The following NOP10 variants were observed in gnomAD, a reference collection of about 807,000 sequenced individuals.
NOP10 encodes the protein NOP10 ribonucleoprotein, also known as H/ACA ribonucleoprotein complex subunit 3.
In NOP10, 6 loss-of-function variants were observed where a neutral mutation model predicts 9.5. The observed-to-expected ratio is 0.63, with a 90% CI of 0.35 to 1.25. NOP10 has a LOEUF of 1.25. Ranked by LOEUF, NOP10 falls within the 50% of genes most tolerant of loss-of-function variation. NOP10 has a pLI of 0.03. For synonymous variants in NOP10, 28 were observed against 30.7 expected, an observed-to-expected ratio of 0.91 and a Z score of 0.29; for missense variants, 75 against 81.3, an observed-to-expected ratio of 0.92 and a Z score of 0.30.
At chr15:34,342,235 G>A in intron 1 of NOP10, 127 bp from the exon 2 acceptor site, 4 of 891,890 alleles carry the variant, frequency 4.5e-6, no homozygotes, top group Non-Finnish European at 7.3e-6. Flanking sequence ...CAAATAAATA[G>A]AGAAATATAA....
chr15:34,343,111 G>A lies in NOP10; in HGVS notation c.-38C>T, dbSNP rs112556317. The A allele has an allele frequency of 7.4e-5, 119 of 1,603,624 alleles. No individual in the cohort carries two copies. The highest frequency in any genetic ancestry group is 1.7e-5 in the Non-Finnish European group (20 of 1,170,506). ...GCCAGCGGTCCCAATTCGGTCCACCGCTCAGTCTGCAGTGGTCCGCCCGAC... is the reference window on the plus strand; with the variant it reads ...GCCAGCGGTCCCAATTCGGTCCACCACTCAGTCTGCAGTGGTCCGCCCGAC... On this transcript the variant is annotated 5_prime_UTR_variant, in exon 1 of 2. Transcript: ENST00000328848.
At chr15:34,342,672 G>A (rs1566886069) in intron 1 of NOP10, among the ~76,000 whole-genome samples, 1 of 151,236 alleles carries the variant, frequency 6.6e-6, no homozygotes, top group Non-Finnish European at 1.5e-5. Flanking sequence ...TCAGCCTCCC[G>A]AGTAGCTGGG....
rs3063 is a variant in NOP10, at chr15:34,341,832, A to G, written c.*136T>C. ...CACCATGATTGCCTCACACAAGCAT[A>G]ATCAATCGCCACGAGAGACTGGATG... On this transcript the variant is annotated 3_prime_UTR_variant, in exon 2 of 2. Coordinates refer to ENST00000328848, the MANE Select transcript of NOP10 (RefSeq NM_018648.4). The G allele has an allele frequency of 0.16, 141,964 of 890,382 alleles. 12,372 individuals carry two copies. Among genetic ancestry groups the G allele is most frequent in the East Asian group, 0.3 (11,513 of 37,900 alleles). The allele number at this position is 890,382 out of a possible 1,614,324, so 55.2% of individuals were successfully genotyped here.
rs1023591694 is a variant in NOP10, at chr15:34,343,104, G to A, written c.-31C>T. 1 of 1,611,942 alleles carries A rather than the reference G, an allele frequency of 6.2e-7. No individual in the cohort carries two copies. Among genetic ancestry groups the A allele is most frequent in the African/African-American group, 1.3e-5 (1 of 74,984 alleles). On this transcript the variant is annotated 5_prime_UTR_variant, in exon 1 of 2. Transcript: ENST00000328848. ...CTTATAAGCCAGCGGTCCCAATTCGGTCCACCGCTCAGTCTGCAGTGGTCC... is the reference window on the plus strand; with the variant it reads ...CTTATAAGCCAGCGGTCCCAATTCGATCCACCGCTCAGTCTGCAGTGGTCC...
intron 1 of NOP10, among the ~76,000 whole-genome samples, chr15:34,342,775 G>A (rs928185018): frequency 1.3e-5 from 2 of 151,976 alleles, no homozygotes; most frequent in African/African-American, 2.4e-5. Context: ...GCGAACTCCT[G>A]AGCTAAGGCA....
chr15:34,342,564 T>TAAAA (rs750902937), intron 1 of NOP10, among the ~76,000 whole-genome samples: 8 of 102,750 alleles, frequency 7.8e-5, no homozygotes, highest in East Asian at 5.7e-4. Context: ...TCCCTGTCTT[T>TAAAA]AAAAAAAAAA....
Position 34,342,003 on chromosome 15 carries a change from C to T in NOP10, c.160G>A (p.Val54Met). 1.9e-6 allele frequency: 3 copies of T among 1,614,090 alleles called. No individual in the cohort carries two copies. Among genetic ancestry groups the T allele is most frequent in the South Asian group, 2.2e-5 (2 of 91,090 alleles). The change falls in exon 2 of 2, where the codon GTG becomes ATG. Residue 54 changes from valine to methionine, a missense_variant. Val to Met is a conservative substitution (Grantham distance 21). Coordinates refer to ENST00000328848, the MANE Select transcript of NOP10 (RefSeq NM_018648.4). ...HRITIKKRFK[V>M]LMTQQPRPVL ...GGGCGCGGTTGCTGGGTCATGAGCA[C>T]CTTGAAGCGTTTCTTGATGGTGATT...
In NOP10 at chr15:34,342,070, A is replaced by G; in HGVS notation, c.93T>C (p.His31=). Residue 31 remains histidine (H), a synonymous_variant, in exon 2 of 2, where the codon CAT becomes CAC. Transcript: ENST00000328848. ...TGTCATCTGGGGAGAACCGAGCAGG[A>G]TGGGCTGAGCAGGTCTGTTGTCCCA... ...DPMGQQTCSA[H]PARFSPDDKY... is the part of the protein sequence containing the mutation. The G allele has an allele frequency of 6.2e-7, 1 of 1,614,062 alleles. No individual in the cohort carries two copies. The highest frequency in any genetic ancestry group is 8.5e-7 in the Non-Finnish European group (1 of 1,180,010).
chr15:34,343,027 G>A lies in NOP10; in HGVS notation c.47C>T (p.Thr16Met), dbSNP rs1321378060. ...CCTGTTTTCTCTCCTCACCTTCAGC[G>A]TATAGACTCGATCTCCCTGCTCGTT... ...YLNEQGDRVY[T>M]LKKFDPMGQQ... Residue 16 changes from threonine to methionine, a missense_variant, in exon 1 of 2, where the codon ACG becomes ATG. Thr to Met is a moderately conservative substitution (Grantham distance 81). Coordinates refer to ENST00000328848, the MANE Select transcript of NOP10 (RefSeq NM_018648.4). The A allele has an allele frequency of 6.2e-7, 1 of 1,613,852 alleles. No individual in the cohort carries two copies. Among genetic ancestry groups the A allele is most frequent in the Non-Finnish European group, 8.5e-7 (1 of 1,179,848 alleles).
chr15:34,342,683 ATAACAGGCGCACACCG>A (rs1368951310), intron 1 of NOP10, among the ~76,000 whole-genome samples: 1 of 151,730 alleles, frequency 6.6e-6, no homozygotes, highest in Non-Finnish European at 1.5e-5. Flanking sequence ...AGTAGCTGGG[ATAACAGGCGCACACCG>A]CCATGCCCGG....
In NOP10 at chr15:34,341,930, G is replaced by T; in HGVS notation, c.*38C>A. ...AGTTTGGTTACGGAGTCTCCGAGGG[G>T]TAACAGGTGGCAGAAAAGACATCAG... On this transcript the variant is annotated 3_prime_UTR_variant, in exon 2 of 2. Coordinates refer to ENST00000328848, the MANE Select transcript of NOP10 (RefSeq NM_018648.4). 1 of 1,610,812 alleles carries T rather than the reference G, an allele frequency of 6.2e-7. No homozygotes were observed. The highest frequency in any genetic ancestry group is 1.1e-5 in the South Asian group (1 of 90,942).
chr15:34,342,564 TAA>T (rs750902937), intron 1 of NOP10, among the ~76,000 whole-genome samples: 49 of 102,732 alleles, frequency 4.8e-4, no homozygotes, highest in African/African-American at 5.4e-4. Flanking sequence ...TCCCTGTCTT[TAA>T]AAAAAAAAAA....
chr15:34,341,951 A>G lies in NOP10; in HGVS notation c.*17T>C. The G allele has an allele frequency of 6.2e-7, 1 of 1,613,272 alleles. No individual in the cohort carries two copies. The highest frequency in any genetic ancestry group is 2.2e-5 in the East Asian group (1 of 44,872). On this transcript the variant is annotated 3_prime_UTR_variant, in exon 2 of 2. Coordinates refer to ENST00000328848, the MANE Select transcript of NOP10 (RefSeq NM_018648.4). Reference sequence around the variant, plus strand: ...AGGGGTAACAGGTGGCAGAAAAGACATCAGTTTAAGGGACCCTCAGAGGAC... The same window carrying G: ...AGGGGTAACAGGTGGCAGAAAAGACGTCAGTTTAAGGGACCCTCAGAGGAC...
In NOP10 at chr15:34,341,889, G is replaced by A. The variant is rs1890482161; in HGVS notation, c.*79C>T. On this transcript the variant is annotated 3_prime_UTR_variant, in exon 2 of 2. Transcript: ENST00000328848. ...AGTATGGCTGGCAAAAAGGCATCAG[G>A]GCTCACAGTCCGAAGAGTTTGGTTA... 6.8e-7 allele frequency: 1 copy of A among 1,469,718 alleles called. No individual in the cohort carries two copies. The highest frequency in any genetic ancestry group is 9.4e-7 in the Non-Finnish European group (1 of 1,058,984). 91.0% of individuals were successfully genotyped at this position (1,469,718 alleles called of 1,614,324 possible).
rs779135425 is a variant in NOP10 at position 34,343,079 on chromosome 15, C to G, written c.-6G>C. ...AGGTAATACTGGAGAAACATGATCGCTTATAAGCCAGCGGTCCCAATTCGG... is the reference window on the plus strand; with the variant it reads ...AGGTAATACTGGAGAAACATGATCGGTTATAAGCCAGCGGTCCCAATTCGG... On this transcript the variant is annotated 5_prime_UTR_variant, in exon 1 of 2. Coordinates refer to ENST00000328848, the MANE Select transcript of NOP10 (RefSeq NM_018648.4). The G allele has an allele frequency of 1.9e-6, 3 of 1,614,156 alleles. No individual in the cohort carries two copies. Among genetic ancestry groups the G allele is most frequent in the Non-Finnish European group, 2.5e-6 (3 of 1,179,994 alleles).
chr15:34,342,129 G>A, intron 1 of NOP10, 21 bp from the exon 2 acceptor site: 2 of 1,613,348 alleles, frequency 1.2e-6, no homozygotes, highest in Non-Finnish European at 1.7e-6. Context: ...AACACAGAAT[G>A]TATGTCAGTA....
chr15:34,342,192 T>G, intron 1 of NOP10, 84 bp from the exon 2 acceptor site: 2 of 1,208,254 alleles, frequency 1.7e-6, no homozygotes, highest in Non-Finnish European at 2.5e-6. Flanking sequence ...AACATGAAAA[T>G]AGAAGATGCA....
In NOP10 at chr15:34,342,062, C is replaced by A; in HGVS notation, c.101G>T (p.Arg34Leu). 1 of 1,613,986 alleles carries A rather than the reference C, an allele frequency of 6.2e-7. No individual in the cohort carries two copies. Among genetic ancestry groups the A allele is most frequent in the Non-Finnish European group, 8.5e-7 (1 of 1,180,012 alleles). ...AGAGTATTTGTCATCTGGGGAGAAC[C>A]GAGCAGGATGGGCTGAGCAGGTCTG... ...GQQTCSAHPARFSPDDKYSRH... is the reference protein window; with the variant it reads ...GQQTCSAHPALFSPDDKYSRH... The change falls in exon 2 of 2, where the codon CGG (arginine) becomes CTG (leucine). Residue 34 changes from arginine to leucine, a missense_variant. Arg to Leu is a moderately radical substitution (Grantham distance 102). Coordinates refer to ENST00000328848, the MANE Select transcript of NOP10 (RefSeq NM_018648.4).
intron 1 of NOP10, among the ~76,000 whole-genome samples, chr15:34,342,469 CAGA>C (rs199639274): frequency 0.075 from 11,175 of 148,782 alleles, 1,395 homozygotes; most frequent in African/African-American, 0.26. Flanking sequence ...GAGGCTGAGG[CAGA>C]AGGATTGTTT....
Sources: gnomAD v4.1 joint callset for allele counts (sites outside exome capture counted in the v4.1 genomes callset) on GRCh38, gnomAD v4.1.1 for gene constraint, MANE v1.5 for transcripts, NCBI Gene and HGNC (gene_info 2026-07-23, HGNC 2026-07-21) for gene names.